Variants in CFAP74 observed in about 807,000 individuals in gnomAD.
CFAP74 encodes cilia- and flagella-associated protein 74.
A neutral mutation model predicts 188.9 loss-of-function variants in CFAP74; 124 were observed. The observed-to-expected ratio is 0.66, with a 90% confidence interval of 0.57 to 0.76. The LOEUF is 0.76. CFAP74 is among the 30% of genes least tolerant of loss of function. The probability of loss-of-function intolerance (pLI) is 0.00; values close to 1 mark genes in which losing one functional copy is unlikely to be tolerated. For missense variants in CFAP74, 2,198 were observed against 2,165.2 expected (o/e 1.02, Z -0.30); for synonymous variants, 956 against 916.7 (o/e 1.04, Z -0.77).
At chr1:1,997,251 C>T (rs1226615571) in intron 1 of CFAP74, among the ~76,000 whole-genome samples, 4 of 151,624 alleles carry the variant, frequency 2.6e-5, no homozygotes, top group East Asian at 1.9e-4. Flanking sequence ...GGGGAAACCC[C>T]GCCTCTACCA....
rs1327750231 is a variant in CFAP74, at chr1:1,922,967, G to A, written c.4683+18C>T. On this transcript the variant is annotated intron_variant, in intron 37 of 38. Coordinates refer to ENST00000682832, the MANE Select transcript of CFAP74 (RefSeq NM_001304360.2). ...CGAGGGGGCTGCCTGGTGTCCCCAG[G>A]GGCAGTGCTGTGGGCACCTTCTTTG... 6 of 1,561,912 alleles carry A rather than the reference G, an allele frequency of 3.8e-6. No individual in the cohort carries two copies. Among genetic ancestry groups the A allele is most frequent in the South Asian group, 3.6e-5 (3 of 82,622 alleles).
intron 13 of CFAP74, 44 bp from the exon 14 acceptor site, chr1:1,963,911 G>T (rs1249462362): frequency 7.7e-7 from 1 of 1,295,192 alleles, no homozygotes; most frequent in South Asian, 1.2e-5. Context: ...GTCACAGGGG[G>T]CTGTGCTGTG....
chr1:1,970,102 C>T (rs928657507), intron 10 of CFAP74, among the ~76,000 whole-genome samples: 2 of 152,182 alleles, frequency 1.3e-5, no homozygotes, highest in African/African-American at 2.4e-5. Flanking sequence ...TCCGAGAGGG[C>T]AACATGGGCC....
chr1:1,977,204 T>G (rs1656505869), intron 6 of CFAP74, among the ~76,000 whole-genome samples: 7 of 152,174 alleles, frequency 4.6e-5, no homozygotes. Context: ...ACACAAAGAC[T>G]GACGAACAAT....
At chr1:1,980,532 G>A (rs946679192) in intron 6 of CFAP74, among the ~76,000 whole-genome samples, 4 of 152,256 alleles carry the variant, frequency 2.6e-5, no homozygotes, top group Admixed American at 1.3e-4. Flanking sequence ...TGGGACCTGC[G>A]CAGGCGCTGA....
chr1:1,969,238 C>CTGCCCAGCCCAGCCT (rs1655728463), intron 10 of CFAP74, among the ~76,000 whole-genome samples: 1 of 103,396 alleles, frequency 9.7e-6, no homozygotes, highest in Non-Finnish European at 2.1e-5. Context: ...CTGCCCAACC[C>CTGCCCAGCCCAGCCT]AGCCCTGCCC....
rs1462558248 is a variant in CFAP74, at chr1:1,938,856, G to A, written c.3010C>T (p.Arg1004Trp). 2.0e-6 allele frequency: 3 copies of A among 1,535,922 alleles called. No individual in the cohort carries two copies. Among genetic ancestry groups the A allele is most frequent in the Non-Finnish European group, 2.6e-6 (3 of 1,146,826 alleles). The change falls in exon 25 of 39, where the codon CGG becomes TGG. Residue 1004 changes from arginine (R) to tryptophan (W), a missense_variant and splice_region_variant. Arg to Trp is a moderately radical substitution (Grantham distance 101). Coordinates refer to ENST00000682832, the MANE Select transcript of CFAP74 (RefSeq NM_001304360.2). ...FQLTCKSEIN[R>W]CFKLSCRAVG... ...GTCCCCTCTCCCTGGCAGGCTCACC[G>A]GTTGATCTCAGACTTGCAGGTCAGT...
intron 1 of CFAP74, among the ~76,000 whole-genome samples, chr1:1,993,773 G>C (rs1490707660): frequency 2.0e-3 from 6 of 3,056 alleles, no homozygotes; most frequent in Non-Finnish European, 4.4e-3. Flanking sequence ...ACGAGGTCAG[G>C]AGATCGAGAC....
At chr1:1,924,271 C>T (rs1651660232) in intron 34 of CFAP74, 120 bp downstream of exon 34, 1 of 406,138 alleles carries the variant, frequency 2.5e-6, no homozygotes, top group Non-Finnish European at 4.0e-6. Flanking sequence ...TCACCGCCCG[C>T]AGCCCATCTC....
chr1:1,940,944 C>G (rs1253814205), intron 22 of CFAP74, among the ~76,000 whole-genome samples: 1 of 152,032 alleles, frequency 6.6e-6, no homozygotes, highest in African/African-American at 2.4e-5. Flanking sequence ...AACCCCATCT[C>G]TACTAAAAAA....
At position 1,973,539 on chromosome 1, in the gene CFAP74, G is replaced by T. The variant is rs1656233216; in HGVS notation, c.674+486C>A. Reference sequence around the variant, plus strand: ...CCTGATGGCCTGTGGAGCACTTGGGGACTGGCCTAGTAGGTGGCCGGGCCC... The same window carrying T: ...CCTGATGGCCTGTGGAGCACTTGGGTACTGGCCTAGTAGGTGGCCGGGCCC... On this transcript the variant is annotated intron_variant, in intron 7 of 38. Transcript: ENST00000682832. The surrounding 1 kb of genome is among the most constrained non-coding windows in gnomAD (Gnocchi z 6.2). Among the ~76,000 whole-genome samples the T allele has an allele frequency of 6.6e-6, 1 of 152,094 alleles. No individual in the cohort carries two copies.
At chr1:1,948,116 C>CT (rs1558013748) in intron 18 of CFAP74, among the ~76,000 whole-genome samples, 2 of 152,072 alleles carry the variant, frequency 1.3e-5, no homozygotes, top group African/African-American at 4.8e-5. Flanking sequence ...TGTGATCTGC[C>CT]CACCTTGGCC....
At position 1,928,779 on chromosome 1, in the gene CFAP74, C is replaced by G. The variant is rs1045841209; in HGVS notation, c.3387+5G>C. 1.3e-6 allele frequency: 2 copies of G among 1,534,348 alleles called. No individual in the cohort carries two copies. Among genetic ancestry groups the G allele is most frequent in the South Asian group, 1.2e-5 (1 of 84,004 alleles). ...CTACGCCCCTCCTTCCCGGGCCCCA[C>G]GCACAGATTTGGTCTCCATTTCTTT... On this transcript the variant is annotated splice_donor_5th_base_variant and intron_variant, in intron 27 of 38. Transcript: ENST00000682832.
chr1:1,964,853 TGCCCGTCCCGTTCCTG>T lies in CFAP74; in HGVS notation c.1575+19_1575+34del. 6.2e-7 allele frequency: 1 copy of T among 1,612,164 alleles called. No homozygotes were observed. The highest frequency in any genetic ancestry group is 8.5e-7 in the Non-Finnish European group (1 of 1,179,372). On this transcript the variant is annotated intron_variant, in intron 13 of 38. Transcript: ENST00000682832. ...GGGCTCCCCTGCTGTCCTGTGCTGCTGCCCGTCCCGTTCCTGGCCCAGCTGCGGGCTCACCTGGAAG... is the reference window on the plus strand; with the variant it reads ...GGGCTCCCCTGCTGTCCTGTGCTGCTGCCCAGCTGCGGGCTCACCTGGAAG...
intron 9 of CFAP74, 139 bp from the exon 10 acceptor site, chr1:1,970,955 G>A: frequency 1.0e-6 from 1 of 1,005,022 alleles, no homozygotes; most frequent in Non-Finnish European, 1.5e-6. Context: ...ACCTGCACAT[G>A]CACACATCAC....
chr1:1,977,429 G>A (rs1343916276), intron 6 of CFAP74, among the ~76,000 whole-genome samples: 1 of 152,164 alleles, frequency 6.6e-6, no homozygotes, highest in African/African-American at 2.4e-5. Context: ...CTGCTGCCTG[G>A]GGGCCCCGTA....
chr1:1,946,774 C>T (rs547303231), intron 19 of CFAP74, among the ~76,000 whole-genome samples: 51 of 152,334 alleles, frequency 3.3e-4, no homozygotes, highest in African/African-American at 1.1e-3. Flanking sequence ...CTGTGGCTTG[C>T]GTCCTGCACA....
At chr1:1,977,573 C>T (rs1656529358) in intron 6 of CFAP74, among the ~76,000 whole-genome samples, 1 of 149,376 alleles carries the variant, frequency 6.7e-6, no homozygotes, top group African/African-American at 2.5e-5. Flanking sequence ...AGAATGTAGC[C>T]AATCTACACA....
chr1:1,992,567 G>A (rs61777028), intron 1 of CFAP74, among the ~76,000 whole-genome samples: 2 of 151,692 alleles, frequency 1.3e-5, no homozygotes, highest in Non-Finnish European at 2.9e-5. Context: ...TCTGCCTCCT[G>A]GGTTCACGCC....
Sources: gnomAD v4.1 joint callset for allele counts (sites outside exome capture counted in the v4.1 genomes callset) on GRCh38, gnomAD v4.1.1 for gene constraint, Gnocchi (gnomAD v3.1) non-coding constraint, MANE v1.5 for transcripts, NCBI Gene and HGNC (gene_info 2026-07-23, HGNC 2026-07-21) for gene names.